Variants in CEP83 observed in about 807,000 individuals in gnomAD.
CEP83 encodes centrosomal protein 83.
CEP83 carries 70 observed loss-of-function variants against 101.9 expected under a neutral mutation model. That is an observed-to-expected ratio of 0.69 (90% CI 0.57 to 0.84). The LOEUF (loss-of-function observed/expected upper bound fraction) is 0.84, where lower values mean the gene tolerates loss of function less well. CEP83 is among the 40% of genes least tolerant of loss of function. The pLI is 0.00. For missense variants in CEP83, 715 were observed against 787.2 expected (o/e 0.91, Z 1.10); for synonymous variants, 264 against 267.9 (o/e 0.99, Z 0.14).
rs1164166356 is a variant in CEP83, at chr12:94,367,841, A to G, written c.1296T>C (p.Ala432=). The G allele has an allele frequency of 1.2e-6, 2 of 1,613,510 alleles. No homozygotes were observed. Among genetic ancestry groups the G allele is most frequent in the Non-Finnish European group, 8.5e-7 (1 of 1,179,818 alleles). The part of the protein sequence containing the change: ...EKDQYEEKLR[A]SQMAEEITRK... The stretch of plus-strand genomic sequence containing the variant: ...TGGTGATCTCTTCTGCCATCTGTGA[A>G]GCCCGCAATTTCTCTTCATACTGAT... Residue 432 remains alanine, a synonymous_variant, in exon 11 of 17, where the codon GCT becomes GCC. Coordinates refer to ENST00000397809, the MANE Select transcript of CEP83 (RefSeq NM_016122.3).
At chr12:94,314,875 T>A (rs1383881306) in intron 14 of CEP83, among the ~76,000 whole-genome samples, 2 of 152,222 alleles carry the variant, frequency 1.3e-5, no homozygotes, top group African/African-American at 4.8e-5. Context: ...TGCTCTTTTG[T>A]ATCTGGACTT....
chr12:94,459,114 T>C (rs148473041), intron 1 of CEP83, among the ~76,000 whole-genome samples: 29 of 152,344 alleles, frequency 1.9e-4, no homozygotes, highest in African/African-American at 6.7e-4. Context: ...TTACAAATAC[T>C]TAGCAGTGGA....
intron 11 of CEP83, among the ~76,000 whole-genome samples, chr12:94,360,076 C>T (rs1285500905): frequency 6.6e-6 from 1 of 152,072 alleles, no homozygotes; most frequent in East Asian, 1.9e-4. Flanking sequence ...ATTCAGCTTT[C>T]CTTCATGACA....
chr12:94,340,914 C>T (rs1328019242), intron 11 of CEP83, among the ~76,000 whole-genome samples: 1 of 152,192 alleles, frequency 6.6e-6, no homozygotes, highest in Non-Finnish European at 1.5e-5. Flanking sequence ...TCACTATTAT[C>T]TAATTGCATT....
At chr12:94,452,738 G>A (rs2067351227) in intron 1 of CEP83, among the ~76,000 whole-genome samples, 1 of 152,056 alleles carries the variant, frequency 6.6e-6, no homozygotes, top group Non-Finnish European at 1.5e-5. Flanking sequence ...ACGGGGGATG[G>A]GGAAGGAAAA....
At chr12:94,431,427 AC>A (rs2065616018) in intron 2 of CEP83, among the ~76,000 whole-genome samples, 1 of 152,126 alleles carries the variant, frequency 6.6e-6, no homozygotes, top group African/African-American at 2.4e-5. Flanking sequence ...GAAAACAAGA[AC>A]AAAAATAGAC....
chr12:94,317,828 T>C (rs2136337466), intron 14 of CEP83, among the ~76,000 whole-genome samples: 2 of 152,314 alleles, frequency 1.3e-5, no homozygotes, highest in Middle Eastern at 3.4e-3. Flanking sequence ...CTCTATAGTA[T>C]AGTTTTAAGT....
chr12:94,332,361 T>C (rs1388071104), intron 13 of CEP83, among the ~76,000 whole-genome samples: 1 of 152,158 alleles, frequency 6.6e-6, no homozygotes, highest in Non-Finnish European at 1.5e-5. Flanking sequence ...TCTGCATACT[T>C]TATATGATTT....
the CEP83 span, chr12:94,298,707 A>G: frequency 6.2e-7 from 1 of 1,613,356 alleles, no homozygotes; most frequent in Non-Finnish European, 8.5e-7. Context: ...TCCATTTGCT[A>G]TAAAATACTT....
the CEP83 span, among the ~76,000 whole-genome samples, chr12:94,289,889 T>C: frequency 9.2e-5 from 14 of 152,360 alleles, no homozygotes; most frequent in Non-Finnish European, 4.4e-5. Context: ...AAAATGTTTC[T>C]ACACTTGCTC....
intron 15 of CEP83, among the ~76,000 whole-genome samples, chr12:94,312,053 C>A (rs1217244795): frequency 6.6e-6 from 1 of 151,764 alleles, no homozygotes; most frequent in African/African-American, 2.4e-5. Flanking sequence ...CCACCCTGAA[C>A]CATAGACGAA....
chr12:94,382,692 T>C (rs983243879), intron 6 of CEP83, among the ~76,000 whole-genome samples: 15 of 152,008 alleles, frequency 9.9e-5, no homozygotes, highest in African/African-American at 3.6e-4. Context: ...AGTTTGATTC[T>C]ATTGTGGTCA....
At chr12:94,300,875 C>T in the CEP83 span, 1 of 1,587,470 alleles carries the variant, frequency 6.3e-7, no homozygotes, top group Non-Finnish European at 8.6e-7. Flanking sequence ...CATGAATGGC[C>T]CTATTTGAAA....
chr12:94,364,050 C>T (rs7303686), intron 11 of CEP83, among the ~76,000 whole-genome samples: 88,129 of 151,044 alleles, frequency 0.58, 25,760 homozygotes, highest in African/African-American at 0.65. Context: ...GTATGTAGAG[C>T]AGTCAAAAAT....
In CEP83 at chr12:94,309,899, C is replaced by G. The variant is rs1593058840; in HGVS notation, c.2001+19G>C. 1 of 1,397,582 alleles carries G rather than the reference C, an allele frequency of 7.2e-7. No homozygotes were observed. Among genetic ancestry groups the G allele is most frequent in the Non-Finnish European group, 9.5e-7 (1 of 1,055,308 alleles). 86.6% of individuals were successfully genotyped at this position (1,397,582 alleles called of 1,614,324 possible). On this transcript the variant is annotated intron_variant, in intron 16 of 16. Coordinates refer to ENST00000397809, the MANE Select transcript of CEP83 (RefSeq NM_016122.3). ...AAAATGTACGACTTTTTTTTTCCCC[C>G]TAAAATAAATGCTCATACCTGCATA... is the stretch of plus-strand genomic sequence containing the variant.
chr12:94,460,367 G>A, upstream of CEP83: 1 of 152,794 alleles, frequency 6.5e-6, no homozygotes, highest in South Asian at 2.1e-4. Flanking sequence ...CTCTCCCTTC[G>A]CCAGCCTGCC....
intron 2 of CEP83, chr12:94,424,644 C>A (rs756637569): frequency 1.1e-4 from 180 of 1,613,626 alleles, no homozygotes; most frequent in Non-Finnish European, 1.4e-4. Flanking sequence ...TTCTGTGCTG[C>A]TGAAGGGCTG....
At chr12:94,301,932 G>T (rs1212712783), downstream of CEP83, among the ~76,000 whole-genome samples, 1 of 152,080 alleles carries the variant, frequency 6.6e-6, no homozygotes, top group Non-Finnish European at 1.5e-5. Context: ...TGTCTCAAAT[G>T]TCTGTCGCTC....
At chr12:94,386,317 T>A (rs540828431) in intron 6 of CEP83, among the ~76,000 whole-genome samples, 2 of 152,182 alleles carry the variant, frequency 1.3e-5, no homozygotes, top group Non-Finnish European at 2.9e-5. Flanking sequence ...CCCAGTCCCA[T>A]GTGAACTCTA....
Sources: gnomAD v4.1 joint callset for allele counts (sites outside exome capture counted in the v4.1 genomes callset) on GRCh38, gnomAD v4.1.1 for gene constraint, MANE v1.5 for transcripts, NCBI Gene and HGNC (gene_info 2026-07-23, HGNC 2026-07-21) for gene names.